FSHR: variants seen among roughly 807,000 people sequenced by gnomAD.
The protein encoded by FSHR is follicle stimulating hormone receptor.
In FSHR, 46 loss-of-function variants were observed where a neutral mutation model predicts 52.1. The ratio of observed to expected loss-of-function variants is 0.88; its 90% CI spans 0.70 to 1.13. The LOEUF (loss-of-function observed/expected upper bound fraction) is 1.13. FSHR is among the 50% of genes most tolerant of loss of function. FSHR has a pLI of 0.00. For missense variants in FSHR, 964 were observed against 834.6 expected, an observed-to-expected ratio of 1.16 and a Z score of -1.91; for synonymous variants, 399 against 309.6, an observed-to-expected ratio of 1.29 and a Z score of -3.03.
At chr2:49,146,089 C>T (rs1672858422) in intron 1 of FSHR, among the ~76,000 whole-genome samples, 1 of 151,958 alleles carries the variant, frequency 6.6e-6, no homozygotes, top group Non-Finnish European at 1.5e-5. Flanking sequence ...TGAATTTGGG[C>T]ATGTGTACCC....
chr2:49,126,133 T>C lies in FSHR; in HGVS notation c.152+28133A>G, dbSNP rs1374927220. Among the ~76,000 whole-genome samples the C allele has an allele frequency of 3.9e-5, 6 of 152,184 alleles. No individual in the cohort carries two copies. In the South Asian group the frequency reaches 8.3e-4, roughly 21 times the overall value. On this transcript the variant is annotated intron_variant, in intron 1 of 9. Transcript: ENST00000406846. ...AGTTGGGAAGGTGTCTTAATCTCTT[T>C]TGTGGTGTTATAACAGAATATCTGA...
intron 1 of FSHR, among the ~76,000 whole-genome samples, chr2:49,121,745 C>G (rs1000291823): frequency 1.3e-5 from 2 of 152,200 alleles, no homozygotes; most frequent in African/African-American, 2.4e-5. Context: ...CACCCAAAAA[C>G]TGGTTGCCAC....
intron 1 of FSHR, among the ~76,000 whole-genome samples, chr2:49,152,551 G>T (rs1572635194): frequency 6.6e-6 from 1 of 150,878 alleles, no homozygotes; most frequent in African/African-American, 2.4e-5. Context: ...TTTGGCCTAT[G>T]TTTTCTCTGC....
intron 2 of FSHR, among the ~76,000 whole-genome samples, chr2:49,035,081 G>A (rs1056750501): frequency 2.0e-5 from 3 of 152,134 alleles, no homozygotes; most frequent in East Asian, 1.9e-4. Flanking sequence ...GTGTTTCAAC[G>A]TCTTTAAGCA....
chr2:49,070,364 C>G (rs1669683472), intron 1 of FSHR, among the ~76,000 whole-genome samples: 1 of 152,092 alleles, frequency 6.6e-6, no homozygotes, highest in African/African-American at 2.4e-5. Flanking sequence ...TCTAGAATAT[C>G]TATCTAAAAT....
At position 49,101,874 on chromosome 2, in the gene FSHR, C is replaced by A. The variant is rs150509212; in HGVS notation, c.153-33584G>T. Among the ~76,000 whole-genome samples, 58 of 152,216 alleles carry A rather than the reference C, an allele frequency of 3.8e-4. 1 individual carries two copies. In the East Asian group the frequency reaches 0.011, roughly 30 times the overall value. On this transcript the variant is annotated intron_variant, in intron 1 of 9. Transcript: ENST00000406846. ...GGGACTCTGTAGAGTCCGAAGGTGGCACAGGGTATTATATGGCAATAGGAC... is the reference window on the plus strand; with the variant it reads ...GGGACTCTGTAGAGTCCGAAGGTGGAACAGGGTATTATATGGCAATAGGAC...
intron 4 of FSHR, among the ~76,000 whole-genome samples, chr2:49,004,226 T>C (rs1667003552): frequency 6.6e-6 from 1 of 152,160 alleles, no homozygotes; most frequent in African/African-American, 2.4e-5. Context: ...AGGTGGTTGT[T>C]CTCATTTGTC....
intron 8 of FSHR, among the ~76,000 whole-genome samples, chr2:48,975,662 C>T (rs535156089): frequency 3.7e-4 from 57 of 152,192 alleles, no homozygotes; most frequent in African/African-American, 2.2e-4. Flanking sequence ...CTTATTTCCT[C>T]GAGCAGTGGT....
At chr2:49,109,609 A>G (rs1429795004) in intron 1 of FSHR, among the ~76,000 whole-genome samples, 1 of 152,106 alleles carries the variant, frequency 6.6e-6, no homozygotes, top group African/African-American at 2.4e-5. Flanking sequence ...TGTTTTAGCT[A>G]TGTGGACCAG....
chr2:49,109,661 A>G (rs1017318617), intron 1 of FSHR, among the ~76,000 whole-genome samples: 3 of 152,246 alleles, frequency 2.0e-5, no homozygotes, highest in African/African-American at 2.4e-5. Context: ...GCCACCTGCC[A>G]TGGAACTTTT....
At chr2:49,052,361 C>T (rs573842722) in intron 2 of FSHR, among the ~76,000 whole-genome samples, 8 of 151,916 alleles carry the variant, frequency 5.3e-5, no homozygotes, top group Admixed American at 2.6e-4. Flanking sequence ...GTAGATGATA[C>T]ACTTTACATA....
chr2:49,123,378 T>C (rs183493500), intron 1 of FSHR, among the ~76,000 whole-genome samples: 10 of 152,188 alleles, frequency 6.6e-5, no homozygotes, highest in East Asian at 3.9e-4. Flanking sequence ...TACCAGCTAC[T>C]AGGGAGGCTG....
At chr2:49,089,398 A>G (rs2103685335) in intron 1 of FSHR, among the ~76,000 whole-genome samples, 1 of 152,322 alleles carries the variant, frequency 6.6e-6, no homozygotes, top group African/African-American at 2.4e-5. Context: ...GCTTCTTTAG[A>G]TACTATTAGA....
intron 1 of FSHR, among the ~76,000 whole-genome samples, chr2:49,145,060 G>C (rs1303769536): frequency 2.0e-5 from 3 of 151,932 alleles, no homozygotes; most frequent in South Asian, 4.2e-4. Flanking sequence ...GCTGCTTTGG[G>C]GGAAGCTGGC....
In FSHR at chr2:49,067,515, G is replaced by A. The variant is rs540987188; in HGVS notation, c.224+704C>T. Among the ~76,000 whole-genome samples the A allele has an allele frequency of 2.4e-3, 362 of 152,180 alleles. 2 individuals are homozygous for A. Among genetic ancestry groups the A allele is most frequent in the African/African-American group, 8.2e-3 (339 of 41,546 alleles). On this transcript the variant is annotated intron_variant, in intron 2 of 9. Transcript: ENST00000406846. ...CCTGAATCCTGGCTGTCTCACTGCA[G>A]AGAAGAACATATTTCCCTGGCCCTG...
chr2:48,983,268 T>A, intron 6 of FSHR, 102 bp from the exon 7 acceptor site: 2 of 1,069,904 alleles, frequency 1.9e-6, no homozygotes, highest in Non-Finnish European at 2.8e-6. Flanking sequence ...CACAGGTTAG[T>A]GGCATAAAGA....
At chr2:48,992,506 A>G (rs1295243651) in intron 4 of FSHR, among the ~76,000 whole-genome samples, 1 of 152,174 alleles carries the variant, frequency 6.6e-6, no homozygotes, top group East Asian at 1.9e-4. Context: ...GGTGTCAGTG[A>G]TTCAGGACTG....
chr2:49,139,435 A>G (rs1020621942), intron 1 of FSHR, among the ~76,000 whole-genome samples: 3 of 152,058 alleles, frequency 2.0e-5, no homozygotes, highest in Admixed American at 2.0e-4. Context: ...GAATCTCTAG[A>G]ATGAGGGTAT....
Position 48,975,162 on chromosome 2 carries a change from T to G in FSHR, c.669-6279A>C, listed in dbSNP as rs529237810. On this transcript the variant is annotated intron_variant, in intron 8 of 9. Coordinates refer to ENST00000406846, the MANE Select transcript of FSHR (RefSeq NM_000145.4). Reference sequence around the variant, plus strand: ...AGGGTATTTCCAGAAGAGATTGGTATGTGAATCCATGGATTGAGTAAGGAA... The same window carrying G: ...AGGGTATTTCCAGAAGAGATTGGTAGGTGAATCCATGGATTGAGTAAGGAA... Among the ~76,000 whole-genome samples, 3 of 152,260 alleles carry G rather than the reference T, an allele frequency of 2.0e-5. No individual in the cohort carries two copies. The South Asian group carries it at 6.2e-4, about 32-fold the overall frequency.
Sources: gnomAD v4.1 joint callset for allele counts (sites outside exome capture counted in the v4.1 genomes callset) on GRCh38, gnomAD v4.1.1 for gene constraint, MANE v1.5 for transcripts, NCBI Gene and HGNC (gene_info 2026-07-23, HGNC 2026-07-21) for gene names.